DNM3: variants seen among roughly 807,000 people sequenced by gnomAD.
The protein encoded by DNM3 is dynamin-3.
DNM3 carries 47 observed loss-of-function variants against 101.6 expected under a neutral mutation model. The ratio of observed to expected loss-of-function variants is 0.46; its 90% CI spans 0.37 to 0.59. The LOEUF is 0.59. DNM3 is among the 20% of genes least tolerant of loss of function. The probability of loss-of-function intolerance (pLI) is 0.00; values close to 1 mark genes in which losing one functional copy is unlikely to be tolerated. For synonymous variants in DNM3, 385 were observed against 387.9 expected, an observed-to-expected ratio of 0.99 and a Z score of 0.09; for missense variants, 849 against 1,085.7, an observed-to-expected ratio of 0.78 and a Z score of 3.06.
At chr1:172,024,708 C>T (rs557261452) in intron 4 of DNM3, among the ~76,000 whole-genome samples, 69 of 151,820 alleles carry the variant, frequency 4.5e-4, no homozygotes, top group African/African-American at 1.6e-3. Flanking sequence ...GGTTGGGAAA[C>T]TCCCTGCCCT....
intron 2 of DNM3, among the ~76,000 whole-genome samples, chr1:171,952,971 A>C (rs2042623366): frequency 6.6e-6 from 1 of 152,162 alleles, no homozygotes. Flanking sequence ...CTCAATTCAG[A>C]GAGTTAGTTA....
At chr1:172,356,997 A>G (rs1212367346) in intron 17 of DNM3, among the ~76,000 whole-genome samples, 1 of 152,118 alleles carries the variant, frequency 6.6e-6, no homozygotes, top group Non-Finnish European at 1.5e-5. Flanking sequence ...GGACAATTTC[A>G]GAAATAAAAT....
chr1:172,082,370 C>T (rs772364206), intron 12 of DNM3, among the ~76,000 whole-genome samples: 1 of 147,894 alleles, frequency 6.8e-6, no homozygotes, highest in South Asian at 2.1e-4. Context: ...TGTAATCTGT[C>T]GGGGTGAACA....
intron 2 of DNM3, among the ~76,000 whole-genome samples, chr1:171,926,556 A>T (rs2040588781): frequency 6.6e-6 from 1 of 152,170 alleles, no homozygotes; most frequent in Non-Finnish European, 1.5e-5. Context: ...TGGGACTCTC[A>T]GTTCTTTTCG....
chr1:171,962,324 T>C (rs569045322), intron 2 of DNM3, among the ~76,000 whole-genome samples: 2 of 152,242 alleles, frequency 1.3e-5, no homozygotes, highest in South Asian at 4.1e-4. Flanking sequence ...CTATATGAAA[T>C]ACTGAGAATA....
chr1:172,173,977 T>G (rs908163776), intron 14 of DNM3, among the ~76,000 whole-genome samples: 2 of 151,642 alleles, frequency 1.3e-5, no homozygotes, highest in African/African-American at 4.8e-5. Context: ...TCCATAACTC[T>G]GGAATGCCAA....
intron 14 of DNM3, among the ~76,000 whole-genome samples, chr1:172,211,019 G>A (rs1247287954): frequency 6.6e-6 from 1 of 152,106 alleles, no homozygotes; most frequent in Non-Finnish European, 1.5e-5. Flanking sequence ...TGCTATTGCA[G>A]CCAAAGGGCA....
At chr1:172,007,358 A>T (rs2046765746) in intron 4 of DNM3, among the ~76,000 whole-genome samples, 1 of 152,058 alleles carries the variant, frequency 6.6e-6, no homozygotes, top group African/African-American at 2.4e-5. Context: ...GGCAGCATTG[A>T]TGTGCATGTC....
chr1:172,063,581 T>G (rs1257086735), intron 10 of DNM3, among the ~76,000 whole-genome samples: 1 of 151,916 alleles, frequency 6.6e-6, no homozygotes, highest in Non-Finnish European at 1.5e-5. Context: ...GTCGTGTATA[T>G]TATATTATTT....
At chr1:172,284,382 T>C (rs1248009497) in intron 15 of DNM3, among the ~76,000 whole-genome samples, 1 of 152,232 alleles carries the variant, frequency 6.6e-6, no homozygotes, top group Non-Finnish European at 1.5e-5. Flanking sequence ...TGAGATTTAC[T>C]TGGTACCTTG....
intron 2 of DNM3, among the ~76,000 whole-genome samples, chr1:171,983,735 C>G (rs1052665018): frequency 5.3e-5 from 8 of 152,112 alleles, no homozygotes; most frequent in Non-Finnish European, 1.0e-4. Context: ...TATTTTTGTA[C>G]AAATTAGAAA....
chr1:171,923,698 T>C (rs972687036), intron 2 of DNM3, among the ~76,000 whole-genome samples: 9 of 152,160 alleles, frequency 5.9e-5, no homozygotes, highest in Admixed American at 1.3e-4. Flanking sequence ...TTAAATTTCA[T>C]TTTAGATTTG....
chr1:172,249,358 G>C (rs1275248886), intron 14 of DNM3, among the ~76,000 whole-genome samples: 1 of 152,026 alleles, frequency 6.6e-6, no homozygotes, highest in East Asian at 1.9e-4. Context: ...TCATTGTTCA[G>C]TTACTTCCAC....
chr1:172,415,321 G>A (rs1293754357), downstream of DNM3: 1 of 152,110 alleles, frequency 6.6e-6, no homozygotes, highest in East Asian at 1.9e-4. Context: ...CCAAAAAAGG[G>A]ATTCTTTAAA....
intron 4 of DNM3, among the ~76,000 whole-genome samples, chr1:172,008,616 A>G (rs772738931): frequency 1.1e-4 from 16 of 149,326 alleles, no homozygotes; most frequent in Admixed American, 2.0e-4. Context: ...GTGAAGTAAG[A>G]GTCAAAGTTC....
At chr1:172,407,664 C>A in intron 20 of DNM3, 108 bp from the exon 21 acceptor site, 2 of 1,064,568 alleles carry the variant, frequency 1.9e-6, no homozygotes, top group South Asian at 2.6e-5. Flanking sequence ...TTCTGCTGGC[C>A]TGTATGTGCA....
chr1:171,900,944 T>C (rs1405690253), intron 1 of DNM3, among the ~76,000 whole-genome samples: 2 of 143,902 alleles, frequency 1.4e-5, no homozygotes, highest in African/African-American at 5.2e-5. Flanking sequence ...CAGTCTCTAC[T>C]AAAAAAAAAA....
intron 14 of DNM3, among the ~76,000 whole-genome samples, chr1:172,192,222 C>G (rs965544669): frequency 6.6e-6 from 1 of 152,066 alleles, no homozygotes; most frequent in African/African-American, 2.4e-5. Context: ...TGAATTTCGT[C>G]AAAGGCCTTT....
At chr1:172,388,454 A>G in intron 19 of DNM3, 119 bp from the exon 20 acceptor site, 4 of 874,848 alleles carry the variant, frequency 4.6e-6, no homozygotes, top group Non-Finnish European at 7.1e-6. Context: ...TCATGACATG[A>G]ATTGGACTTA....
Sources: allele counts gnomAD v4.1 joint callset (sites outside exome capture counted in the v4.1 genomes callset), GRCh38; gene constraint gnomAD v4.1.1; transcripts MANE v1.5; gene names NCBI Gene and HGNC (gene_info 2026-07-23, HGNC 2026-07-21).